KIDINS220: variants seen among roughly 807,000 people sequenced by gnomAD.
The protein encoded by KIDINS220 is kinase D interacting substrate 220, also known as kinase D-interacting substrate of 220 kDa.
In KIDINS220, 63 loss-of-function variants were observed where a neutral mutation model predicts 157.6. The observed-to-expected ratio is 0.40, with a 90% CI of 0.33 to 0.49. KIDINS220 has a LOEUF of 0.49. Among genes scored for constraint, KIDINS220 ranks in the 20% least tolerant of loss-of-function variants. KIDINS220 has a pLI of 0.66. For synonymous variants in KIDINS220, 732 were observed against 783.6 expected (o/e 0.93, Z 1.10); for missense variants, 1,772 against 2,171.2 (o/e 0.82, Z 3.65).
In KIDINS220 at chr2:8,733,714, A is replaced by C. The variant is rs773286321; in HGVS notation, c.3817-34T>G. ...AAGAAAAACATAAATATTTACACTA[A>C]CAAATCATATTTTAGAAGCTTTAGA... is the stretch of plus-strand genomic sequence containing the variant. On this transcript the variant is annotated intron_variant, in intron 28 of 29. Coordinates refer to ENST00000256707, the MANE Select transcript of KIDINS220 (RefSeq NM_020738.4). 17 of 1,284,966 alleles carry C rather than the reference A, an allele frequency of 1.3e-5. No homozygotes were observed. In the South Asian group the frequency reaches 2.6e-4, roughly 20 times the overall value. 79.6% of individuals were successfully genotyped at this position (1,284,966 alleles called of 1,614,324 possible). A position where few individuals can be genotyped will look rare whatever the true frequency, so the allele number is the denominator to read the frequency against.
At chr2:8,798,867 C>T (rs1292486435) in intron 9 of KIDINS220, among the ~76,000 whole-genome samples, 4 of 152,072 alleles carry the variant, frequency 2.6e-5, no homozygotes, top group South Asian at 2.1e-4. Context: ...AACAAAAAAA[C>T]GAACTCAAAC....
At chr2:8,749,247 C>A in intron 24 of KIDINS220, 1 of 238,950 alleles carries the variant, frequency 4.2e-6, no homozygotes. Context: ...TCTTTCTTCC[C>A]AGCTCATATG....
chr2:8,803,371 T>C (rs1255441223), intron 7 of KIDINS220, among the ~76,000 whole-genome samples: 1 of 152,210 alleles, frequency 6.6e-6, no homozygotes, highest in Non-Finnish European at 1.5e-5. Flanking sequence ...ATTATGAAGT[T>C]CAGTTATTTA....
chr2:8,812,067 CACA>C (rs1264538633), intron 6 of KIDINS220, among the ~76,000 whole-genome samples: 2 of 152,132 alleles, frequency 1.3e-5, no homozygotes, highest in Non-Finnish European at 2.9e-5. Flanking sequence ...AGATCTCTCA[CACA>C]ACAATACAGA....
At chr2:8,752,317 T>TA (rs1018619866) in intron 22 of KIDINS220, among the ~76,000 whole-genome samples, 8 of 151,284 alleles carry the variant, frequency 5.3e-5, no homozygotes, top group Non-Finnish European at 8.9e-5. Context: ...TCATCCAGTC[T>TA]AAAAATTTTT....
intron 20 of KIDINS220, among the ~76,000 whole-genome samples, 154 bp downstream of exon 20, chr2:8,778,485 T>C (rs1044016383): frequency 3.3e-5 from 5 of 152,250 alleles, no homozygotes; most frequent in African/African-American, 1.2e-4. Flanking sequence ...AGACATTCCC[T>C]GAAACACATG....
chr2:8,727,221 C>T, downstream of KIDINS220: 1 of 1,126,136 alleles, frequency 8.9e-7, no homozygotes. Flanking sequence ...CGCAAAAGAA[C>T]AGTATCCCCA....
chr2:8,817,974 G>A (rs781077473), intron 3 of KIDINS220, among the ~76,000 whole-genome samples: 1 of 151,998 alleles, frequency 6.6e-6, no homozygotes, highest in East Asian at 1.9e-4. Flanking sequence ...CATATACTGC[G>A]CTTTTTAAAA....
chr2:8,774,063 T>A (rs1572598470), intron 21 of KIDINS220, among the ~76,000 whole-genome samples: 1 of 151,724 alleles, frequency 6.6e-6, no homozygotes, highest in South Asian at 2.1e-4. Context: ...CCCAGCACTT[T>A]GGGAGGCCGA....
chr2:8,726,563 T>C (rs1397229422), downstream of KIDINS220, among the ~76,000 whole-genome samples: 2 of 152,208 alleles, frequency 1.3e-5, no homozygotes, highest in African/African-American at 2.4e-5. Context: ...CAGGGGTACA[T>C]TCTGAGAAAT....
chr2:8,749,309 T>C, intron 24 of KIDINS220: 1 of 422,880 alleles, frequency 2.4e-6, no homozygotes, highest in Admixed American at 2.6e-5. Context: ...ACTAACTAGG[T>C]CCTATGTTTT....
At chr2:8,767,881 C>T (rs555517265) in intron 22 of KIDINS220, among the ~76,000 whole-genome samples, 20 of 152,280 alleles carry the variant, frequency 1.3e-4, no homozygotes, top group Non-Finnish European at 2.8e-4. Flanking sequence ...CAGCAAATTG[C>T]TACTTCAATG....
At chr2:8,752,039 G>C (rs1174652007) in intron 22 of KIDINS220, among the ~76,000 whole-genome samples, 5 of 151,412 alleles carry the variant, frequency 3.3e-5, no homozygotes, top group East Asian at 1.9e-4. Flanking sequence ...GGTTTTTTTT[G>C]AGACAGAATC....
chr2:8,812,559 G>A, intron 5 of KIDINS220, 66 bp from the exon 6 acceptor site: 1 of 773,026 alleles, frequency 1.3e-6, no homozygotes, highest in Non-Finnish European at 2.0e-6. Flanking sequence ...AGAAAGGAAG[G>A]AGGGAGGGAG....
Position 8,732,011 on chromosome 2 carries a change from A to G in KIDINS220, c.4054-29T>C, listed in dbSNP as rs77908379. 7.4e-5 allele frequency: 112 copies of G among 1,517,070 alleles called. No individual in the cohort carries two copies. In the East Asian group the frequency reaches 2.0e-3, roughly 26 times the overall value. 94.0% of individuals were successfully genotyped at this position (1,517,070 alleles called of 1,614,324 possible). A position where few individuals can be genotyped will look rare whatever the true frequency, so the allele number is the denominator to read the frequency against. ...TGAAGACAGAAAAAAAATAATTTAA[A>G]AATTCAAATAAGAAGAAAAAAGGCA... is the stretch of plus-strand genomic sequence containing the variant. On this transcript the variant is annotated intron_variant, in intron 29 of 29. Transcript: ENST00000256707.
rs1670088295 is a variant in KIDINS220, at chr2:8,770,671, T to C, written c.3010A>G (p.Arg1004Gly). The C allele has an allele frequency of 6.3e-7, 1 of 1,581,842 alleles. No individual in the cohort carries two copies. The highest frequency in any genetic ancestry group is 1.4e-5 in the African/African-American group (1 of 73,736). Residue 1004 changes from arginine to glycine, a missense_variant and splice_region_variant, in exon 22 of 30, where the codon AGA becomes GGA. By Grantham distance (125) the Arg-to-Gly change is moderately radical. Transcript: ENST00000256707. ...DQMTLKTIYE[R>G]ISKNIPTTKD... ...ATACAAAGAGGTCACAAAAGGTACC[T>C]TTCGTAGATGGTTTTTAATGTCATT... is the stretch of plus-strand genomic sequence containing the variant.
At chr2:8,737,479 TG>T (rs1442325868) in intron 26 of KIDINS220, among the ~76,000 whole-genome samples, 1 of 152,242 alleles carries the variant, frequency 6.6e-6, no homozygotes, top group Non-Finnish European at 1.5e-5. Context: ...ACTACCTCAA[TG>T]GTTACAAGAG....
intron 24 of KIDINS220, 95 bp downstream of exon 24, chr2:8,750,017 G>A: frequency 2.0e-6 from 2 of 1,004,522 alleles, no homozygotes; most frequent in East Asian, 2.6e-5. Flanking sequence ...TAAAGCCAAA[G>A]TACAGCTTTA....
intron 13 of KIDINS220, among the ~76,000 whole-genome samples, chr2:8,790,688 T>C (rs1375646829): frequency 1.3e-5 from 2 of 152,164 alleles, no homozygotes; most frequent in East Asian, 1.9e-4. Context: ...ACTAAGGAGC[T>C]GCTAATAGAG....
Sources: gnomAD v4.1 joint callset for allele counts (sites outside exome capture counted in the v4.1 genomes callset) on GRCh38, gnomAD v4.1.1 for gene constraint, MANE v1.5 for transcripts, NCBI Gene and HGNC (gene_info 2026-07-23, HGNC 2026-07-21) for gene names.